The following RAI1 variants were observed in gnomAD, a reference collection of about 807,000 sequenced individuals.
RAI1 encodes the protein retinoic acid induced 1, also known as retinoic acid-induced protein 1.
A neutral mutation model predicts 123.8 loss-of-function variants in RAI1; 9 were observed. That is an observed-to-expected ratio of 0.07 (90% CI 0.04 to 0.13). RAI1 has a LOEUF of 0.13. RAI1 is among the 10% of genes least tolerant of loss of function. The pLI, the probability that RAI1 is intolerant of heterozygous loss-of-function variation, is 1.00. For missense variants in RAI1, 2,256 were observed against 2,545.8 expected (o/e 0.89, Z 2.45); for synonymous variants, 1,231 against 1,127.3 (o/e 1.09, Z -1.84).
intron 4 of RAI1, 174 bp downstream of exon 4, chr17:17,804,023 G>T (rs1286067668): frequency 5.4e-6 from 4 of 740,582 alleles, no homozygotes; most frequent in Non-Finnish European, 9.7e-6. Flanking sequence ...GCTGGGCAAT[G>T]CCAGGGACAT....
chr17:17,731,047 T>C (rs984740202), intron 2 of RAI1, among the ~76,000 whole-genome samples: 2 of 152,160 alleles, frequency 1.3e-5, no homozygotes. Flanking sequence ...TGCCAGAGCA[T>C]CAGGCATGGT....
intron 2 of RAI1, among the ~76,000 whole-genome samples, chr17:17,784,576 G>A (rs897714025): frequency 6.6e-6 from 1 of 152,214 alleles, no homozygotes; most frequent in African/African-American, 2.4e-5. Context: ...GTGTCTTCCC[G>A]TGGCTCGTTG....
At chr17:17,716,679 G>A (rs1249249349) in intron 1 of RAI1, among the ~76,000 whole-genome samples, 2 of 152,158 alleles carry the variant, frequency 1.3e-5, no homozygotes, top group Non-Finnish European at 2.9e-5. Context: ...CTGACTCTGG[G>A]TGTGTTTTGT....
In RAI1 at chr17:17,793,820, A is replaced by AGC; in HGVS notation, c.872_873insGC (p.Ala292GlnfsTer73). 2 of 1,608,350 alleles carry AGC rather than the reference A, an allele frequency of 1.2e-6. No individual in the cohort carries two copies. Among genetic ancestry groups the AGC allele is most frequent in the Non-Finnish European group, 1.7e-6 (2 of 1,178,472 alleles). On this transcript the variant is annotated frameshift_variant, in exon 3 of 6. Coordinates refer to ENST00000353383, the MANE Select transcript of RAI1 (RefSeq NM_030665.4). LOFTEE classifies it high-confidence loss of function. ...CAGCAGCAGCAGCAGCAGCAGCAGC[A>AGC]AGCCCTTCAGAGCCGGCACCATGCC...
rs767362577 is a variant in RAI1 at position 17,795,135 on chromosome 17, C to T, written c.2187C>T (p.Phe729=). ...CCACTACAGCAGCTTTTGACTGTTT[C>T]CCGGACACAACCGCTGCCAGCTCAG... ...PDPTTAAFDC[F]PDTTAASSAD... Residue 729 remains phenylalanine (F), a synonymous_variant, in exon 3 of 6, where the codon TTC becomes TTT. Coordinates refer to ENST00000353383, the MANE Select transcript of RAI1 (RefSeq NM_030665.4). This position sits in a 1 kb window ranked among gnomAD's most constrained non-coding sequence, Gnocchi z 5.9. 1.9e-6 allele frequency: 3 copies of T among 1,614,090 alleles called. No individual in the cohort carries two copies. The highest frequency in any genetic ancestry group is 1.7e-6 in the Non-Finnish European group (2 of 1,180,026).
intron 2 of RAI1, among the ~76,000 whole-genome samples, chr17:17,727,299 G>A (rs538981739): frequency 6.6e-6 from 1 of 152,360 alleles, no homozygotes; most frequent in African/African-American, 2.4e-5. Flanking sequence ...GAGAGGGGAA[G>A]CGAGTCCCAA....
intron 2 of RAI1, among the ~76,000 whole-genome samples, chr17:17,784,805 C>CACTA (rs1173359230): frequency 6.6e-6 from 1 of 152,140 alleles, no homozygotes; most frequent in Non-Finnish European, 1.5e-5. Flanking sequence ...GGATACTGAA[C>CACTA]ACTAGCTGCA....
Position 17,794,822 on chromosome 17 carries a change from C to G in RAI1, c.1874C>G (p.Ala625Gly), listed in dbSNP as rs372711427. 4.3e-6 allele frequency: 7 copies of G among 1,613,072 alleles called. No individual in the cohort carries two copies. In the African/African-American group the frequency reaches 9.3e-5, roughly 22 times the overall value. Residue 625 changes from alanine (A) to glycine (G), a missense_variant, in exon 3 of 6, where the codon GCT (alanine) becomes GGT (glycine). Ala to Gly is a moderately conservative substitution (Grantham distance 60). Transcript: ENST00000353383. Reference sequence around the variant, plus strand: ...GCCATCGGTGAGAAGGCCGACAAAGCTTGGGCTGAAGCACCCAGCCTGGTC... The same window carrying G: ...GCCATCGGTGAGAAGGCCGACAAAGGTTGGGCTGAAGCACCCAGCCTGGTC... ...QEAIGEKADKAWAEAPSLVKD... is the reference protein window; with the variant it reads ...QEAIGEKADKGWAEAPSLVKD...
At chr17:17,783,789 G>A (rs1353008740) in intron 2 of RAI1, among the ~76,000 whole-genome samples, 1 of 152,162 alleles carries the variant, frequency 6.6e-6, no homozygotes. Context: ...GGGGGCGGGG[G>A]CGGAAAGGGT....
intron 2 of RAI1, among the ~76,000 whole-genome samples, chr17:17,754,877 C>T (rs2030370059): frequency 6.6e-6 from 1 of 152,208 alleles, no homozygotes; most frequent in African/African-American, 2.4e-5. Context: ...TCCCAGTCTA[C>T]ATTCATTGGG....
At chr17:17,707,362 G>T (rs1567836779) in intron 1 of RAI1, among the ~76,000 whole-genome samples, 1 of 152,222 alleles carries the variant, frequency 6.6e-6, no homozygotes, top group African/African-American at 2.4e-5. Context: ...GGATGGGGGA[G>T]ATGCGTGCAG....
intron 1 of RAI1, among the ~76,000 whole-genome samples, chr17:17,687,473 A>G (rs920989449): frequency 1.3e-5 from 2 of 152,140 alleles, no homozygotes; most frequent in African/African-American, 4.8e-5. Flanking sequence ...GCATGCTCAG[A>G]GCGTCTGCAG....
intron 2 of RAI1, among the ~76,000 whole-genome samples, chr17:17,729,527 G>C (rs1226885170): frequency 1.3e-5 from 2 of 152,198 alleles, no homozygotes; most frequent in Non-Finnish European, 2.9e-5. Flanking sequence ...AAGTGAGATC[G>C]CTGGCCACGA....
rs1319458335 is a variant in RAI1, at chr17:17,795,341, C to G, written c.2393C>G (p.Pro798Arg). Residue 798 changes from proline to arginine, a missense_variant, in exon 3 of 6, where the codon CCC becomes CGC. Transcript: ENST00000353383. This position sits in a 1 kb window ranked among gnomAD's most constrained non-coding sequence, Gnocchi z 5.9. Reference sequence around the variant, plus strand: ...TGCCTGGGCTTCCAGGAGGAGGACCCCCCTGGGGAGAAGGTGGCCTCGTTG... The same window carrying G: ...TGCCTGGGCTTCCAGGAGGAGGACCGCCCTGGGGAGAAGGTGGCCTCGTTG... ...SACLGFQEEDPPGEKVASLPG... is the reference protein window; with the variant it reads ...SACLGFQEEDRPGEKVASLPG... 6.2e-7 allele frequency: 1 copy of G among 1,601,820 alleles called. No individual in the cohort carries two copies. Among genetic ancestry groups the G allele is most frequent in the Non-Finnish European group, 8.5e-7 (1 of 1,171,912 alleles).
intron 1 of RAI1, among the ~76,000 whole-genome samples, chr17:17,682,938 T>A (rs747749858): frequency 3.9e-5 from 6 of 152,106 alleles, no homozygotes; most frequent in Admixed American, 3.3e-4. Flanking sequence ...GCCGCGCGCC[T>A]GAATGGCGGA....
rs1159324909 is a variant in RAI1 at position 17,801,046 on chromosome 17, C to A, written c.5565+2533C>A. 6.6e-6 allele frequency among the ~76,000 whole-genome samples: 1 copy of A among 152,154 alleles called. No homozygotes were observed. The highest frequency in any genetic ancestry group is 6.5e-5 in the Admixed American group (1 of 15,272). On this transcript the variant is annotated intron_variant, in intron 3 of 5. Transcript: ENST00000353383. The surrounding 1 kb of genome is among the most constrained non-coding windows in gnomAD (Gnocchi z 4.1). ...GTCCCTGGCCCCAGCACTGCCACAC[C>A]CCTCGGTACCTTGACCTCACTTTTG...
At chr17:17,807,183 A>C (rs1367204683) in intron 4 of RAI1, among the ~76,000 whole-genome samples, 1 of 134,908 alleles carries the variant, frequency 7.4e-6, no homozygotes, top group African/African-American at 2.7e-5. Flanking sequence ...CTCGAGAGTG[A>C]AGGCGGGGAG....
intron 4 of RAI1, chr17:17,804,203 G>A: frequency 8.4e-6 from 3 of 356,538 alleles, no homozygotes; most frequent in South Asian, 4.7e-5. Flanking sequence ...GGCCTTTGAA[G>A]GATAAATAGG....
chr17:17,730,866 A>G (rs1260026959), intron 2 of RAI1, among the ~76,000 whole-genome samples: 1 of 152,224 alleles, frequency 6.6e-6, no homozygotes, highest in Non-Finnish European at 1.5e-5. Context: ...GAGGCAGAGA[A>G]GCTTTGCCGG....
Sources: gnomAD v4.1 joint callset for allele counts (sites outside exome capture counted in the v4.1 genomes callset) on GRCh38, gnomAD v4.1.1 for gene constraint, Gnocchi (gnomAD v3.1) non-coding constraint, MANE v1.5 for transcripts, NCBI Gene and HGNC (gene_info 2026-07-23, HGNC 2026-07-21) for gene names.